The following CSMD1 variants were observed in gnomAD, a reference collection of about 807,000 sequenced individuals.
CSMD1 encodes the protein CUB and Sushi multiple domains 1.
A neutral mutation model predicts 417.5 loss-of-function variants in CSMD1; 213 were observed. The observed-to-expected ratio is 0.51, with a 90% CI of 0.46 to 0.57. The LOEUF is 0.57. Ranked by LOEUF, CSMD1 falls within the 20% of genes least tolerant of loss-of-function variation. CSMD1 has a pLI of 0.00. For synonymous variants in CSMD1, 2,862 were observed against 1,736.8 expected, an observed-to-expected ratio of 1.65 and a Z score of -16.11; for missense variants, 6,923 against 4,529.7, an observed-to-expected ratio of 1.53 and a Z score of -15.17.
intron 10 of CSMD1, among the ~76,000 whole-genome samples, chr8:3,560,171 G>A (rs974845954): frequency 1.3e-5 from 2 of 152,116 alleles, no homozygotes; most frequent in African/African-American, 2.4e-5. Flanking sequence ...GTAAGGCACA[G>A]GAAGAGCCCT....
chr8:3,621,045 A>T (rs3116145), intron 7 of CSMD1, among the ~76,000 whole-genome samples: 101,261 of 151,712 alleles, frequency 0.67, 34,229 homozygotes, highest in African/African-American at 0.74. Flanking sequence ...AGTTAGCAGA[A>T]GAATACATAA....
intron 3 of CSMD1, among the ~76,000 whole-genome samples, chr8:4,316,465 G>A (rs1030445129): frequency 2.0e-5 from 3 of 151,936 alleles, no homozygotes; most frequent in South Asian, 2.1e-4. Flanking sequence ...CATTACTTTC[G>A]ATGCTGAAAA....
At chr8:4,116,960 G>A (rs1458130526) in intron 3 of CSMD1, among the ~76,000 whole-genome samples, 2 of 152,038 alleles carry the variant, frequency 1.3e-5, no homozygotes, top group African/African-American at 4.8e-5. Flanking sequence ...TGAGAATCAG[G>A]CTGGTAAGAG....
intron 1 of CSMD1, among the ~76,000 whole-genome samples, chr8:4,852,036 T>A (rs574249376): frequency 6.6e-6 from 1 of 152,196 alleles, no homozygotes; most frequent in Non-Finnish European, 1.5e-5. Flanking sequence ...CTGTAATACC[T>A]CCTCAGCAGG....
chr8:3,763,427 T>C (rs955177686), intron 5 of CSMD1, among the ~76,000 whole-genome samples: 1 of 152,092 alleles, frequency 6.6e-6, no homozygotes, highest in African/African-American at 2.4e-5. Context: ...ACTCCAGAGC[T>C]GGTTGTTTAA....
At chr8:3,741,465 G>T (rs928564347) in intron 6 of CSMD1, among the ~76,000 whole-genome samples, 1 of 152,084 alleles carries the variant, frequency 6.6e-6, no homozygotes, top group African/African-American at 2.4e-5. Flanking sequence ...AGAGGGAGTA[G>T]CAATTTTACA....
intron 10 of CSMD1, among the ~76,000 whole-genome samples, chr8:3,516,864 A>G (rs1458140431): frequency 6.6e-6 from 1 of 152,222 alleles, no homozygotes; most frequent in Non-Finnish European, 1.5e-5. Context: ...TGATAAAGAT[A>G]CTTGCACACA....
chr8:4,017,903 C>G (rs2554596), intron 4 of CSMD1, among the ~76,000 whole-genome samples: 11 of 151,894 alleles, frequency 7.2e-5, no homozygotes, highest in African/African-American at 2.7e-4. Context: ...CTAATCATCA[C>G]GGTATTTCTG....
At chr8:3,560,635 T>C (rs773037328) in intron 10 of CSMD1, among the ~76,000 whole-genome samples, 30 of 152,154 alleles carry the variant, frequency 2.0e-4, no homozygotes, top group Non-Finnish European at 3.8e-4. Flanking sequence ...GGCGGGATGA[T>C]ATAAAAACCT....
chr8:4,303,093 A>T (rs1798066682), intron 3 of CSMD1, among the ~76,000 whole-genome samples: 2 of 152,156 alleles, frequency 1.3e-5, no homozygotes, highest in South Asian at 4.1e-4. Flanking sequence ...ACAATTTTTG[A>T]GTAATTTAAA....
At position 3,524,978 on chromosome 8, in the gene CSMD1, C is replaced by G. The variant is rs570284862; in HGVS notation, c.1345-31252G>C. Among the ~76,000 whole-genome samples the G allele has an allele frequency of 5.9e-5, 9 of 152,172 alleles. 1 individual carries two copies. In the South Asian group the frequency reaches 1.7e-3, roughly 28 times the overall value. On this transcript the variant is annotated intron_variant, in intron 10 of 69. Transcript: ENST00000635120. ...GCACACTGTACACTCATTAGGCACCCCAGGAAAAATGATAATGTATGTATC... is the reference window on the plus strand; with the variant it reads ...GCACACTGTACACTCATTAGGCACCGCAGGAAAAATGATAATGTATGTATC...
chr8:4,190,849 C>A lies in CSMD1; in HGVS notation c.416-158750G>T, dbSNP rs536041491. ...TACCCTTCGCAAACTGATGCAGGAA[C>A]AGAAAACCAAATACCACATGATCTG... On this transcript the variant is annotated intron_variant, in intron 3 of 69. Transcript: ENST00000635120. Among the ~76,000 whole-genome samples the A allele has an allele frequency of 3.3e-5, 5 of 151,588 alleles. No homozygotes were observed. The South Asian group carries it at 1.0e-3, about 31-fold the overall frequency.
intron 1 of CSMD1, among the ~76,000 whole-genome samples, chr8:4,983,235 T>A (rs1810994045): frequency 6.6e-6 from 1 of 152,198 alleles, no homozygotes; most frequent in African/African-American, 2.4e-5. Context: ...GCAGGCACAG[T>A]GACTGGAAGA....
chr8:4,197,551 T>C (rs7841311), intron 3 of CSMD1, among the ~76,000 whole-genome samples: 15,795 of 152,104 alleles, frequency 0.1, 1,129 homozygotes, highest in African/African-American at 0.19. Flanking sequence ...ACTAAAACAC[T>C]GGTTCTATTT....
chr8:3,942,752 G>A (rs181790488), intron 5 of CSMD1, among the ~76,000 whole-genome samples: 1 of 152,250 alleles, frequency 6.6e-6, no homozygotes, highest in East Asian at 1.9e-4. Flanking sequence ...CATGTGTGAA[G>A]TCTGTATTTA....
intron 20 of CSMD1, 118 bp downstream of exon 20, chr8:3,366,914 T>G (rs1299722652): frequency 3.7e-6 from 3 of 815,956 alleles, no homozygotes; most frequent in Non-Finnish European, 6.0e-6. Flanking sequence ...AAGTCACGCA[T>G]GTACAAACAC....
At chr8:4,077,994 C>G (rs1035166740) in intron 3 of CSMD1, among the ~76,000 whole-genome samples, 21 of 152,072 alleles carry the variant, frequency 1.4e-4, no homozygotes, top group African/African-American at 4.6e-4. Context: ...CCTCTTTCAT[C>G]TCTCAGTTGG....
chr8:3,216,826 T>G (rs1034944283), intron 29 of CSMD1, among the ~76,000 whole-genome samples: 1 of 152,282 alleles, frequency 6.6e-6, no homozygotes, highest in African/African-American at 2.4e-5. Flanking sequence ...ACAGCACGAC[T>G]GCCTGGTGTT....
At chr8:4,365,464 C>G (rs749561562) in intron 3 of CSMD1, among the ~76,000 whole-genome samples, 3 of 152,116 alleles carry the variant, frequency 2.0e-5, no homozygotes, top group African/African-American at 7.2e-5. Context: ...ATTGTCTGTT[C>G]TTTTTCTCCA....
Sources: gnomAD v4.1 joint callset for allele counts (sites outside exome capture counted in the v4.1 genomes callset) on GRCh38, gnomAD v4.1.1 for gene constraint, MANE v1.5 for transcripts, NCBI Gene and HGNC (gene_info 2026-07-23, HGNC 2026-07-21) for gene names.